Variants in EEFSEC observed in about 807,000 individuals in gnomAD.
EEFSEC encodes the protein eukaryotic elongation factor, selenocysteine-tRNA specific, also known as selenocysteine-specific elongation factor.
In EEFSEC, 43 loss-of-function variants were observed where a neutral mutation model predicts 42.1. The observed-to-expected ratio is 1.02, with a 90% CI of 0.80 to 1.32. The LOEUF (loss-of-function observed/expected upper bound fraction) is 1.32. EEFSEC is among the 40% of genes most tolerant of loss of function. The pLI is 0.00. For synonymous variants in EEFSEC, 354 were observed against 339.1 expected (o/e 1.04, Z -0.48); for missense variants, 745 against 803.6 (o/e 0.93, Z 0.88).
Position 128,341,909 on chromosome 3 carries a change from G to T in EEFSEC, c.1443+20G>T. The T allele has an allele frequency of 6.2e-7, 1 of 1,602,520 alleles. No individual in the cohort carries two copies. The highest frequency in any genetic ancestry group is 8.5e-7 in the Non-Finnish European group (1 of 1,173,658). ...GAGCGGGTGAGCATGCCCTTGCCTG[G>T]CCCCACACCCCTTCCCTTCTTGCTC... is the stretch of plus-strand genomic sequence containing the variant. On this transcript the variant is annotated intron_variant, in intron 5 of 6. Transcript: ENST00000254730.
chr3:128,410,160 G>T (rs73861082), downstream of EEFSEC, among the ~76,000 whole-genome samples: 1,291 of 152,308 alleles, frequency 8.5e-3, 19 homozygotes, highest in African/African-American at 0.03. Flanking sequence ...GCTGGTGAGG[G>T]CCAGCACTGG....
At chr3:128,388,147 T>C (rs1195716919) in intron 6 of EEFSEC, among the ~76,000 whole-genome samples, 3 of 152,238 alleles carry the variant, frequency 2.0e-5, no homozygotes, top group African/African-American at 4.8e-5. Flanking sequence ...CTCTGAGCTC[T>C]GTTCCTCTTT....
chr3:128,316,432 TC>T (rs1292500914), intron 4 of EEFSEC, among the ~76,000 whole-genome samples: 1 of 152,164 alleles, frequency 6.6e-6, no homozygotes, highest in African/African-American at 2.4e-5. Flanking sequence ...CCTACCGCTC[TC>T]CCCCTCTCTT....
At chr3:128,257,842 C>A (rs548971948) in intron 2 of EEFSEC, among the ~76,000 whole-genome samples, 50 of 152,142 alleles carry the variant, frequency 3.3e-4, no homozygotes, top group Non-Finnish European at 1.3e-4. Context: ...CTGTCCCCCC[C>A]CAGCATGGAG....
intron 2 of EEFSEC, among the ~76,000 whole-genome samples, chr3:128,258,354 T>C (rs2066264133): frequency 6.6e-6 from 1 of 152,210 alleles, no homozygotes; most frequent in Non-Finnish European, 1.5e-5. Context: ...GGCTCTGGAA[T>C]AGGGCTTTTG....
intron 6 of EEFSEC, among the ~76,000 whole-genome samples, chr3:128,375,651 CCTT>C (rs2067700801): frequency 6.6e-6 from 1 of 152,184 alleles, no homozygotes; most frequent in Admixed American, 6.5e-5. Context: ...GGCTCCCTGT[CCTT>C]CTCAAACGGA....
intron 4 of EEFSEC, among the ~76,000 whole-genome samples, chr3:128,271,162 C>G (rs1443865712): frequency 3.9e-5 from 6 of 152,322 alleles, no homozygotes; most frequent in South Asian, 4.1e-4. Context: ...GGCAGCCCCC[C>G]ACTTCCTGCT....
chr3:128,326,171 C>G (rs754920884), intron 4 of EEFSEC, among the ~76,000 whole-genome samples: 1 of 152,202 alleles, frequency 6.6e-6, no homozygotes, highest in African/African-American at 2.4e-5. Context: ...CCCCAGGCAC[C>G]TCAGAGTTAG....
chr3:128,219,585 C>T (rs781371710), intron 1 of EEFSEC, among the ~76,000 whole-genome samples: 4 of 152,208 alleles, frequency 2.6e-5, no homozygotes, highest in Non-Finnish European at 5.9e-5. Flanking sequence ...TCACCTCCCA[C>T]CACTTTATCC....
intron 6 of EEFSEC, among the ~76,000 whole-genome samples, chr3:128,400,718 A>G (rs1222383312): frequency 6.6e-6 from 1 of 152,182 alleles, no homozygotes; most frequent in Non-Finnish European, 1.5e-5. Flanking sequence ...CCCAACATGA[A>G]AGCAACGCCA....
At chr3:128,373,993 T>C (rs1023009746) in intron 6 of EEFSEC, among the ~76,000 whole-genome samples, 1 of 152,016 alleles carries the variant, frequency 6.6e-6, no homozygotes, top group African/African-American at 2.4e-5. Context: ...GGAGTGAGAG[T>C]TGAAGGCCCA....
intron 2 of EEFSEC, among the ~76,000 whole-genome samples, chr3:128,248,733 A>G (rs1019739041): frequency 2.6e-5 from 4 of 152,218 alleles, no homozygotes; most frequent in African/African-American, 4.8e-5. Flanking sequence ...ATCATTTACT[A>G]TAGAAATGGG....
At chr3:128,248,492 C>T (rs965593694) in intron 2 of EEFSEC, among the ~76,000 whole-genome samples, 2 of 152,228 alleles carry the variant, frequency 1.3e-5, no homozygotes, top group African/African-American at 4.8e-5. Context: ...ATTCATCAAT[C>T]CGATAAAATC....
chr3:128,259,994 C>T (rs1345163807), intron 2 of EEFSEC, among the ~76,000 whole-genome samples: 1 of 152,034 alleles, frequency 6.6e-6, no homozygotes, highest in Non-Finnish European at 1.5e-5. Flanking sequence ...TGGATATGTA[C>T]TTCTTTGAGT....
At chr3:128,221,676 T>G (rs1453348762) in intron 1 of EEFSEC, among the ~76,000 whole-genome samples, 1 of 152,168 alleles carries the variant, frequency 6.6e-6, no homozygotes, top group Non-Finnish European at 1.5e-5. Flanking sequence ...AAGAGGAGTT[T>G]ACAGACAAAA....
intron 4 of EEFSEC, among the ~76,000 whole-genome samples, chr3:128,307,713 G>C (rs1266212711): frequency 6.6e-6 from 1 of 152,214 alleles, no homozygotes; most frequent in Admixed American, 6.5e-5. Flanking sequence ...AAGAGAAATA[G>C]TGCTCAGCCT....
At chr3:128,346,653 A>ATG (rs2067315213) in intron 5 of EEFSEC, among the ~76,000 whole-genome samples, 1 of 152,202 alleles carries the variant, frequency 6.6e-6, no homozygotes, top group Non-Finnish European at 1.5e-5. Context: ...AATAAATAAA[A>ATG]TGTGTCACTG....
Position 128,246,868 on chromosome 3 carries a change from A to G in EEFSEC, c.349A>G (p.Ile117Val). The G allele has an allele frequency of 6.2e-7, 1 of 1,614,100 alleles. No homozygotes were observed. Among genetic ancestry groups the G allele is most frequent in the Non-Finnish European group, 8.5e-7 (1 of 1,179,986 alleles). The part of the protein sequence containing the change: ...AQIIDLMMLV[I>V]DVTKGMQTQS... Reference sequence around the variant, plus strand: ...GATCATTGATCTGATGATGCTGGTCATCGATGTGACCAAGGGGATGCAGAC... The same window carrying G: ...GATCATTGATCTGATGATGCTGGTCGTCGATGTGACCAAGGGGATGCAGAC... Residue 117 changes from isoleucine to valine, a missense_variant, in exon 2 of 7, where the codon ATC (isoleucine) becomes GTC (valine). Coordinates refer to ENST00000254730, the MANE Select transcript of EEFSEC (RefSeq NM_021937.5).
chr3:128,358,427 A>G (rs2067485259), intron 6 of EEFSEC, 54 bp downstream of exon 6: 2 of 1,589,194 alleles, frequency 1.3e-6, no homozygotes, highest in South Asian at 1.1e-5. Flanking sequence ...GCACAGAGAG[A>G]TGGCAGAGGT....
Sources: allele counts gnomAD v4.1 joint callset (sites outside exome capture counted in the v4.1 genomes callset), GRCh38; gene constraint gnomAD v4.1.1; transcripts MANE v1.5; gene names NCBI Gene and HGNC (gene_info 2026-07-23, HGNC 2026-07-21).